The following SEMA3A variants were observed in gnomAD, a reference collection of about 807,000 sequenced individuals.
SEMA3A encodes semaphorin-3A.
SEMA3A carries 29 observed loss-of-function variants against 97.9 expected under a neutral mutation model. The observed-to-expected ratio is 0.30, with a 90% CI of 0.22 to 0.40. The LOEUF is 0.40. SEMA3A is among the 10% of genes least tolerant of loss of function. SEMA3A has a pLI of 1.00. For synonymous variants in SEMA3A, 321 were observed against 323.7 expected, an observed-to-expected ratio of 0.99 and a Z score of 0.09; for missense variants, 763 against 951.3, an observed-to-expected ratio of 0.80 and a Z score of 2.60.
chr7:84,353,359 C>A (rs1802480386), intron 2 of SEMA3A, among the ~76,000 whole-genome samples: 1 of 151,610 alleles, frequency 6.6e-6, no homozygotes, highest in South Asian at 2.1e-4. Flanking sequence ...CCCATACACA[C>A]ACATCTTCCT....
At chr7:84,167,919 C>A (rs1185985265) in intron 1 of SEMA3A, among the ~76,000 whole-genome samples, 1 of 152,018 alleles carries the variant, frequency 6.6e-6, no homozygotes, top group Non-Finnish European at 1.5e-5. Flanking sequence ...AAATGAATGG[C>A]AGTATCGAAG....
At chr7:84,226,976 T>G (rs1252932783) in intron 3 of SEMA3A, among the ~76,000 whole-genome samples, 1 of 152,078 alleles carries the variant, frequency 6.6e-6, no homozygotes, top group African/African-American at 2.4e-5. Flanking sequence ...AGGATTTTTC[T>G]TTGTAGGATA....
intron 1 of SEMA3A, among the ~76,000 whole-genome samples, chr7:84,397,478 T>C (rs1803768123): frequency 6.7e-6 from 1 of 148,294 alleles, no homozygotes; most frequent in South Asian, 2.1e-4. Context: ...ATGTATTATA[T>C]ATAACATGTA....
rs1349592828 is a variant in SEMA3A, at chr7:84,121,661, C to T, written c.333+7462G>A. Among the ~76,000 whole-genome samples the T allele has an allele frequency of 7.0e-5, 2 of 28,398 alleles. 1 individual carries two copies. The highest frequency in any genetic ancestry group is 1.2e-4 in the Non-Finnish European group (2 of 16,820). 18.6% of individuals were successfully genotyped at this position (28,398 alleles called of 152,430 possible). On this transcript the variant is annotated intron_variant, in intron 3 of 16. Coordinates refer to ENST00000265362, the MANE Select transcript of SEMA3A (RefSeq NM_006080.3). Reference sequence around the variant, plus strand: ...GTCTTTTTTTTTTTTTTTTTTGAGACGGAGTCTCGCTCTGTCGCCCAGGCT... The same window carrying T: ...GTCTTTTTTTTTTTTTTTTTTGAGATGGAGTCTCGCTCTGTCGCCCAGGCT...
chr7:84,435,633 T>C (rs1805107678), intron 1 of SEMA3A, among the ~76,000 whole-genome samples: 2 of 151,642 alleles, frequency 1.3e-5, no homozygotes, highest in Non-Finnish European at 2.9e-5. Flanking sequence ...AACAAACCTC[T>C]ACAAGGAGAA....
At chr7:84,063,088 C>T (rs1793316090) in intron 4 of SEMA3A, among the ~76,000 whole-genome samples, 2 of 152,080 alleles carry the variant, frequency 1.3e-5, no homozygotes, top group South Asian at 4.2e-4. Flanking sequence ...GGGCAGACTG[C>T]CTCCTCAAGT....
chr7:84,001,525 G>A (rs3801596), intron 12 of SEMA3A, among the ~76,000 whole-genome samples: 63,800 of 151,716 alleles, frequency 0.42, 14,011 homozygotes, highest in East Asian at 0.66. Flanking sequence ...TAATTCATAC[G>A]TAAGCTAAAA....
intron 2 of SEMA3A, among the ~76,000 whole-genome samples, chr7:84,359,352 T>C (rs1296776412): frequency 2.0e-5 from 3 of 151,688 alleles, no homozygotes; most frequent in Non-Finnish European, 4.4e-5. Flanking sequence ...GCATGAAGGG[T>C]TGTTGAATTT....
chr7:84,153,251 A>G (rs1796734771), intron 1 of SEMA3A, among the ~76,000 whole-genome samples: 1 of 152,186 alleles, frequency 6.6e-6, no homozygotes, highest in Admixed American at 6.5e-5. Flanking sequence ...AAAAGTACCA[A>G]TTATCAACAG....
At chr7:84,182,276 C>T (rs568942460) in intron 1 of SEMA3A, among the ~76,000 whole-genome samples, 3 of 152,162 alleles carry the variant, frequency 2.0e-5, no homozygotes, top group Admixed American at 2.0e-4. Flanking sequence ...GTGTTAATCC[C>T]TATGTGGATT....
In SEMA3A at chr7:84,002,044, C is replaced by T. The variant is rs757107325; in HGVS notation, c.1363G>A (p.Val455Ile). 1.3e-6 allele frequency: 2 copies of T among 1,596,340 alleles called. No individual in the cohort carries two copies. The highest frequency in any genetic ancestry group is 1.3e-5 in the African/African-American group (1 of 74,574). Residue 455 changes from valine (V) to isoleucine (I), a missense_variant and splice_region_variant, in exon 12 of 17, where the codon GTT becomes ATT. Around this residue, in one of 2 missense-constraint regions of SEMA3A, gnomAD observed 678 missense variants for 881.3 expected, o/e 0.77. Transcript: ENST00000265362. ...GAAACTACTTTAAGAACGGTCCCAA[C>T]ATCTTTGAAAGAAAGTGGGGAGAAG... Reference protein sequence around the residue: ...QYDVMFIGTDVGTVLKVVSIP... With the variant: ...QYDVMFIGTDIGTVLKVVSIP...
rs576604161 is a variant in SEMA3A, at chr7:84,454,901, T to C, written c.-246+37559A>G. Among the ~76,000 whole-genome samples the C allele has an allele frequency of 2.6e-5, 4 of 152,092 alleles. No homozygotes were observed. The South Asian group carries it at 8.3e-4, about 31-fold the overall frequency. ...AATTTCATGTACAATCTAAATATAA[T>C]AGTTATTTTAATTATATTAACAAGT... On this transcript the variant is annotated intron_variant, in intron 1 of 3. Coordinates refer to the SEMA3A transcript ENST00000424555.
chr7:84,187,087 G>C (rs1056525177), intron 1 of SEMA3A, among the ~76,000 whole-genome samples: 4 of 152,180 alleles, frequency 2.6e-5, no homozygotes, highest in African/African-American at 9.7e-5. Context: ...TGTTGCTCTT[G>C]ACAAGTGTAG....
chr7:84,344,010 G>A (rs1802235366), intron 2 of SEMA3A, among the ~76,000 whole-genome samples: 1 of 148,630 alleles, frequency 6.7e-6, no homozygotes, highest in South Asian at 2.1e-4. Flanking sequence ...TTTGTTTCGG[G>A]GAAAAAAAAA....
chr7:84,108,730 C>A (rs1292836964), intron 4 of SEMA3A, among the ~76,000 whole-genome samples: 3 of 152,018 alleles, frequency 2.0e-5, no homozygotes, highest in Non-Finnish European at 4.4e-5. Flanking sequence ...CATGGTGAAA[C>A]CCTGTCTCTA....
intron 1 of SEMA3A, among the ~76,000 whole-genome samples, chr7:84,181,366 C>A: frequency 6.7e-6 from 1 of 148,156 alleles, no homozygotes. Context: ...AGTAGAAAGA[C>A]TATATAACAG....
chr7:84,075,695 G>C (rs1178323595), intron 4 of SEMA3A, among the ~76,000 whole-genome samples: 1 of 152,072 alleles, frequency 6.6e-6, no homozygotes, highest in East Asian at 1.9e-4. Flanking sequence ...GGCCTCAAGT[G>C]ATCTGCCCAC....
chr7:84,141,280 C>G (rs527478985), intron 1 of SEMA3A, among the ~76,000 whole-genome samples: 2 of 152,208 alleles, frequency 1.3e-5, no homozygotes, highest in Non-Finnish European at 2.9e-5. Context: ...TAACTTTTAC[C>G]TTGACTAGTC....
intron 1 of SEMA3A, among the ~76,000 whole-genome samples, chr7:84,414,746 G>A (rs570240084): frequency 2.6e-5 from 4 of 151,864 alleles, no homozygotes; most frequent in Admixed American, 1.3e-4. Flanking sequence ...AAAAAAAGGC[G>A]AAATGAACAA....
Sources: allele counts gnomAD v4.1 joint callset (sites outside exome capture counted in the v4.1 genomes callset), GRCh38; gene constraint gnomAD v4.1.1; regional missense constraint gnomAD v4.1.1; transcripts MANE v1.5; gene names NCBI Gene and HGNC (gene_info 2026-07-23, HGNC 2026-07-21).